The following FCN3 variants were observed in gnomAD, a reference collection of about 807,000 sequenced individuals.
FCN3 encodes the protein ficolin 3, also known as ficolin-3.
In FCN3, 28 loss-of-function variants were observed where a neutral mutation model predicts 31.5. That is an observed-to-expected ratio of 0.89 (90% CI 0.66 to 1.22). FCN3 has a LOEUF of 1.22. Ranked by LOEUF, FCN3 falls within the 50% of genes most tolerant of loss-of-function variation. FCN3 has a pLI of 0.00. For synonymous variants in FCN3, 124 were observed against 147.4 expected, an observed-to-expected ratio of 0.84 and a Z score of 1.15; for missense variants, 351 against 386.8, an observed-to-expected ratio of 0.91 and a Z score of 0.78.
chr1:27,370,188 T>G (rs1308271413), intron 7 of FCN3, among the ~76,000 whole-genome samples: 1 of 152,052 alleles, frequency 6.6e-6, no homozygotes, highest in Admixed American at 6.5e-5. Context: ...TTTGTATTTT[T>G]AGTAGAGACG....
chr1:27,373,086 G>A (rs755497136), intron 5 of FCN3, 50 bp downstream of exon 5: 16 of 1,599,928 alleles, frequency 1.0e-5, no homozygotes, highest in Non-Finnish European at 1.3e-5. Context: ...GGCCAAGGGG[G>A]AGAAGTGACC....
chr1:27,372,846 C>T (rs971199134), intron 5 of FCN3, among the ~76,000 whole-genome samples: 4 of 136,344 alleles, frequency 2.9e-5, no homozygotes, highest in Non-Finnish European at 3.1e-5. Context: ...GGCAAGAACT[C>T]GGCTCACTGC....
Position 27,369,257 on chromosome 1 carries a change from C to A in FCN3, c.879G>T (p.Arg293Ser). Residue 293 changes from arginine to serine, a missense_variant, in exon 8 of 8, where the codon AGG becomes AGT. By Grantham distance (110) the Arg-to-Ser change is moderately radical. Coordinates refer to ENST00000270879, the MANE Select transcript of FCN3 (RefSeq NM_003665.4). The stretch of plus-strand genomic sequence containing the variant: ...TGCCCTATCGAAGCATCATCCGAAC[C>A]CTGCGGTAGGGGTGGCCCACACCAC... ...SGRGVGHPYR[R>S]VRMMLR 1.2e-6 allele frequency: 2 copies of A among 1,614,206 alleles called. No homozygotes were observed. Among genetic ancestry groups the A allele is most frequent in the Middle Eastern group, 1.6e-4 (1 of 6,062 alleles).
intron 2 of FCN3, 84 bp downstream of exon 2, chr1:27,374,272 G>A (rs1216619628): frequency 4.8e-5 from 47 of 972,678 alleles, no homozygotes; most frequent in East Asian, 1.7e-4. Flanking sequence ...CTCCTTTGTC[G>A]TGGCCCCTCA....
intron 3 of FCN3, 35 bp from the exon 4 acceptor site, chr1:27,373,555 G>C (rs1361910471): frequency 6.2e-7 from 1 of 1,612,324 alleles, no homozygotes; most frequent in East Asian, 2.2e-5. Context: ...TGGCTCTGAT[G>C]TCTCAGCACC....
intron 5 of FCN3, among the ~76,000 whole-genome samples, chr1:27,372,546 C>T (rs954509800): frequency 7.9e-5 from 12 of 152,190 alleles, no homozygotes; most frequent in Non-Finnish European, 1.3e-4. Flanking sequence ...CCACGTCCAG[C>T]CAACCACCGC....
chr1:27,371,706 C>T (rs114358705), intron 5 of FCN3, among the ~76,000 whole-genome samples: 2,564 of 152,306 alleles, frequency 0.017, 66 homozygotes, highest in African/African-American at 0.054. Context: ...GCCCCAGGTC[C>T]TATAGAGTTG....
chr1:27,373,623 T>C, intron 3 of FCN3, 103 bp from the exon 4 acceptor site: 1 of 1,234,658 alleles, frequency 8.1e-7, no homozygotes, highest in Middle Eastern at 2.5e-4. Context: ...TCCTTCCCAC[T>C]CCTCCCAGCC....
chr1:27,373,578 C>T, intron 3 of FCN3, 58 bp from the exon 4 acceptor site: 7 of 1,582,734 alleles, frequency 4.4e-6, no homozygotes, highest in Non-Finnish European at 6.1e-6. Flanking sequence ...AGCGCTGAGC[C>T]ACCAGTGGAG....
chr1:27,373,202 C>T lies in FCN3; in HGVS notation c.327G>A (p.Leu109=), dbSNP rs745897276. 11 of 1,613,956 alleles carry T rather than the reference C, an allele frequency of 6.8e-6. No individual in the cohort carries two copies. In the East Asian group the frequency reaches 2.2e-4, roughly 33 times the overall value. Residue 109 remains leucine, a synonymous_variant, in exon 5 of 8, where the codon CTG becomes CTA. Transcript: ENST00000270879. ...GGAGGGCCCTGCCCTCAGGTAGGCA[C>T]AGATGGTACCAGCCGCTCAAGGTGG... ...QGATLSGWYH[L]CLPEGRALPV... is the part of the protein sequence containing the mutation.
intron 5 of FCN3, among the ~76,000 whole-genome samples, chr1:27,372,265 T>A (rs1249666089): frequency 6.7e-6 from 1 of 150,132 alleles, no homozygotes; most frequent in African/African-American, 2.5e-5. Context: ...TTTTTTTTTT[T>A]AAGACAGAGT....
chr1:27,371,072 G>T, intron 5 of FCN3, 100 bp from the exon 6 acceptor site: 1 of 1,195,544 alleles, frequency 8.4e-7, no homozygotes, highest in Non-Finnish European at 1.2e-6. Context: ...CTCTCTCTTT[G>T]GATTGGGGCC....
At position 27,372,992 on chromosome 1, in the gene FCN3, A is replaced by G. The variant is rs542879731; in HGVS notation, c.393+144T>C. 6.3e-5 allele frequency: 63 copies of G among 1,001,974 alleles called. No individual in the cohort carries two copies. In the South Asian group the frequency reaches 9.4e-4, roughly 15 times the overall value. The allele number at this position is 1,001,974 out of a possible 1,614,324, so 62.1% of individuals were successfully genotyped here. Reference sequence around the variant, plus strand: ...CTCTGTGAAGCCCTCATACTTCTTCAGGTCCCATTGGGGGCTCACTAAACA... The same window carrying G: ...CTCTGTGAAGCCCTCATACTTCTTCGGGTCCCATTGGGGGCTCACTAAACA... On this transcript the variant is annotated intron_variant, in intron 5 of 7. Coordinates refer to ENST00000270879, the MANE Select transcript of FCN3 (RefSeq NM_003665.4).
rs765768419 is a variant in FCN3 at position 27,369,346 on chromosome 1, T to C, written c.790A>G (p.Asn264Asp). The change falls in exon 8 of 8, where the codon AAT (asparagine) becomes GAT (aspartate). Residue 264 changes from asparagine to aspartate, a missense_variant. Physicochemically the swap from Asn to Asp is conservative, Grantham distance 23. Coordinates refer to ENST00000270879, the MANE Select transcript of FCN3 (RefSeq NM_003665.4). ...WYASCYRSNL[N>D]GRYAVSEAAA... ...GCCTCAGACACTGCATAGCGACCAT[T>C]GAGATTTGATCGGTAACAGGATGCA... 2.5e-6 allele frequency: 4 copies of C among 1,608,728 alleles called. No homozygotes were observed. In the Admixed American group the frequency reaches 6.7e-5, roughly 27 times the overall value.
At chr1:27,373,305 C>T in intron 4 of FCN3, 42 bp from the exon 5 acceptor site, 1 of 1,611,928 alleles carries the variant, frequency 6.2e-7, no homozygotes, top group Non-Finnish European at 8.5e-7. Context: ...CCAGGTTATT[C>T]CCTGACCCCC....
chr1:27,373,621 A>G, intron 3 of FCN3, 101 bp from the exon 4 acceptor site: 1 of 1,250,760 alleles, frequency 8.0e-7, no homozygotes, highest in Non-Finnish European at 1.1e-6. Context: ...AATCCTTCCC[A>G]CTCCTCCCAG....
At chr1:27,374,667 G>A (rs994388861) in intron 1 of FCN3, 61 bp downstream of exon 1, 33 of 1,041,292 alleles carry the variant, frequency 3.2e-5, no homozygotes, top group Non-Finnish European at 4.3e-5. Context: ...AGCCTTGGTG[G>A]GGGGACACCC....
intron 1 of FCN3, 45 bp downstream of exon 1, chr1:27,374,683 G>A: frequency 8.5e-7 from 1 of 1,181,080 alleles, no homozygotes; most frequent in Non-Finnish European, 1.2e-6. Flanking sequence ...CACCCAGCGA[G>A]GGAATGAGGA....
At chr1:27,371,248 G>T (rs1414135070) in intron 5 of FCN3, among the ~76,000 whole-genome samples, 1 of 152,188 alleles carries the variant, frequency 6.6e-6, no homozygotes, top group Admixed American at 6.5e-5. Context: ...GGCCAGCGCT[G>T]CTGGGTGTCA....
Sources: gnomAD v4.1 joint callset for allele counts (sites outside exome capture counted in the v4.1 genomes callset) on GRCh38, gnomAD v4.1.1 for gene constraint, MANE v1.5 for transcripts, NCBI Gene and HGNC (gene_info 2026-07-23, HGNC 2026-07-21) for gene names.